The following MOB3B variants were observed in gnomAD, a reference collection of about 807,000 sequenced individuals.
MOB3B encodes MOB kinase activator-like 2B.
MOB3B carries 7 observed loss-of-function variants against 18.7 expected under a neutral mutation model. That is an observed-to-expected ratio of 0.37 (90% CI 0.21 to 0.70). The LOEUF (loss-of-function observed/expected upper bound fraction) is 0.70. MOB3B is among the 30% of genes least tolerant of loss of function. The pLI, the probability that MOB3B is intolerant of heterozygous loss-of-function variation, is 0.52. For synonymous variants in MOB3B, 111 were observed against 99.9 expected, an observed-to-expected ratio of 1.11 and a Z score of -0.66; for missense variants, 253 against 281.3, an observed-to-expected ratio of 0.90 and a Z score of 0.72.
chr9:27,396,629 A>G (rs558747270), intron 2 of MOB3B, among the ~76,000 whole-genome samples: 1 of 152,186 alleles, frequency 6.6e-6, no homozygotes, highest in African/African-American at 2.4e-5. Flanking sequence ...CACCTTGACT[A>G]TCTAAATTTA....
intron 1 of MOB3B, 124 bp downstream of exon 1, chr9:27,529,431 C>A (rs1275573340): frequency 9.3e-6 from 5 of 539,414 alleles, no homozygotes; most frequent in Non-Finnish European, 1.2e-5. Flanking sequence ...TCCGCCGCCT[C>A]CCGCACCTTC....
At chr9:27,433,739 G>A (rs1563867557) in intron 2 of MOB3B, among the ~76,000 whole-genome samples, 1 of 152,104 alleles carries the variant, frequency 6.6e-6, no homozygotes, top group Non-Finnish European at 1.5e-5. Flanking sequence ...CATATTGAAG[G>A]TGCATGGGAT....
intron 1 of MOB3B, among the ~76,000 whole-genome samples, chr9:27,480,156 CT>C (rs149547691): frequency 0.022 from 3,265 of 148,592 alleles, 112 homozygotes; most frequent in African/African-American, 0.075. Context: ...GAATGCATAA[CT>C]TTTTTTTTTC....
intron 3 of MOB3B, among the ~76,000 whole-genome samples, chr9:27,331,277 C>T (rs1041079419): frequency 7.2e-5 from 11 of 152,124 alleles, no homozygotes; most frequent in African/African-American, 1.9e-4. Flanking sequence ...GCCTATGGTC[C>T]GCTGCTACCA....
chr9:27,473,795 T>C (rs77474859), intron 1 of MOB3B, among the ~76,000 whole-genome samples: 3,147 of 152,228 alleles, frequency 0.021, 104 homozygotes, highest in African/African-American at 0.066. Flanking sequence ...CAAGACAGTC[T>C]AATCTTTCAA....
intron 1 of MOB3B, among the ~76,000 whole-genome samples, chr9:27,496,952 C>T (rs1033172797): frequency 6.6e-6 from 1 of 152,142 alleles, no homozygotes; most frequent in Non-Finnish European, 1.5e-5. Flanking sequence ...TTAATTAAAA[C>T]GATGGTTAAT....
At chr9:27,421,957 C>A (rs1402396222) in intron 2 of MOB3B, among the ~76,000 whole-genome samples, 1 of 152,200 alleles carries the variant, frequency 6.6e-6, no homozygotes, top group African/African-American at 2.4e-5. Flanking sequence ...CTCTCCTCCC[C>A]ACTCTCAATG....
intron 1 of MOB3B, among the ~76,000 whole-genome samples, chr9:27,528,086 T>C (rs1820464076): frequency 6.6e-6 from 1 of 152,176 alleles, no homozygotes; most frequent in African/African-American, 2.4e-5. Flanking sequence ...GGATTTAAAC[T>C]TGGAGCGGTA....
intron 2 of MOB3B, among the ~76,000 whole-genome samples, chr9:27,446,258 G>A (rs866517762): frequency 6.6e-6 from 1 of 151,628 alleles, no homozygotes; most frequent in Non-Finnish European, 1.5e-5. Flanking sequence ...TATGAACTAT[G>A]TGGCATCCTT....
intron 2 of MOB3B, among the ~76,000 whole-genome samples, chr9:27,366,239 C>A (rs898994229): frequency 6.6e-6 from 1 of 152,172 alleles, no homozygotes; most frequent in Admixed American, 6.5e-5. Context: ...GATCTCCAAG[C>A]CACATTCAGT....
At chr9:27,409,728 T>G (rs1475759754) in intron 2 of MOB3B, among the ~76,000 whole-genome samples, 1 of 152,188 alleles carries the variant, frequency 6.6e-6, no homozygotes, top group African/African-American at 2.4e-5. Flanking sequence ...ATGTGGTATA[T>G]ATATAAAATG....
At chr9:27,363,394 A>G (rs955954285) in intron 2 of MOB3B, among the ~76,000 whole-genome samples, 5 of 151,856 alleles carry the variant, frequency 3.3e-5, no homozygotes, top group Non-Finnish European at 5.9e-5. Context: ...TCAGCCTCCC[A>G]AGTAGCTGGG....
chr9:27,387,594 CATT>C (rs1246442906), intron 2 of MOB3B, among the ~76,000 whole-genome samples: 1 of 152,170 alleles, frequency 6.6e-6, no homozygotes, highest in African/African-American at 2.4e-5. Flanking sequence ...CTATTATTAT[CATT>C]ATCATAATTA....
intron 1 of MOB3B, among the ~76,000 whole-genome samples, chr9:27,488,036 A>T (rs1587251400): frequency 6.6e-6 from 1 of 152,212 alleles, no homozygotes; most frequent in African/African-American, 2.4e-5. Flanking sequence ...CAGTATGCAG[A>T]CTGGCTCCCC....
chr9:27,449,619 G>T (rs1477181262), intron 2 of MOB3B, among the ~76,000 whole-genome samples: 1 of 152,120 alleles, frequency 6.6e-6, no homozygotes, highest in Non-Finnish European at 1.5e-5. Flanking sequence ...TGCCCATTCT[G>T]TCTTGCTAGC....
chr9:27,384,704 C>T (rs769596776), intron 2 of MOB3B, among the ~76,000 whole-genome samples: 1 of 152,180 alleles, frequency 6.6e-6, no homozygotes, highest in Non-Finnish European at 1.5e-5. Flanking sequence ...TCCAGTATTT[C>T]CCTGGCATGG....
chr9:27,443,134 A>G (rs1822620523), intron 2 of MOB3B, among the ~76,000 whole-genome samples: 1 of 152,180 alleles, frequency 6.6e-6, no homozygotes, highest in African/African-American at 2.4e-5. Context: ...ATTTCTAATA[A>G]GTTCCCAAGG....
At chr9:27,514,619 G>C (rs1263008957) in intron 1 of MOB3B, among the ~76,000 whole-genome samples, 1 of 152,130 alleles carries the variant, frequency 6.6e-6, no homozygotes, top group Admixed American at 6.5e-5. Flanking sequence ...CTAGGCAAGG[G>C]CTCTTTAAAT....
intron 1 of MOB3B, among the ~76,000 whole-genome samples, chr9:27,502,783 A>T (rs1178235816): frequency 1.3e-5 from 2 of 152,234 alleles, no homozygotes; most frequent in East Asian, 3.8e-4. Context: ...CCCAAACTAA[A>T]TTCTTACAGA....
Sources: allele counts gnomAD v4.1 joint callset (sites outside exome capture counted in the v4.1 genomes callset), GRCh38; gene constraint gnomAD v4.1.1; transcripts MANE v1.5; gene names NCBI Gene and HGNC (gene_info 2026-07-23, HGNC 2026-07-21).